PCDHA8: variants seen among roughly 807,000 people sequenced by gnomAD.
PCDHA8 encodes the protein protocadherin alpha-8.
In PCDHA8, 53 loss-of-function variants were observed where a neutral mutation model predicts 61.8. That is an observed-to-expected ratio of 0.86 (90% confidence interval 0.69 to 1.08). The LOEUF (loss-of-function observed/expected upper bound fraction) is 1.08, where lower values mean the gene tolerates loss of function less well. PCDHA8 is among the 50% of genes least tolerant of loss of function. The pLI is 0.00. For missense variants in PCDHA8, 1,293 were observed against 1,245.0 expected (o/e 1.04, Z -0.58); for synonymous variants, 618 against 556.6 (o/e 1.11, Z -1.55).
intron 1 of PCDHA8, among the ~76,000 whole-genome samples, chr5:140,901,940 T>A (rs1444811552): frequency 6.6e-6 from 1 of 152,172 alleles, no homozygotes; most frequent in Non-Finnish European, 1.5e-5. Context: ...CCTAGGTATA[T>A]TTAGTTTTAT....
intron 1 of PCDHA8, among the ~76,000 whole-genome samples, chr5:140,907,882 G>T (rs895415928): frequency 6.6e-6 from 1 of 152,168 alleles, no homozygotes; most frequent in Non-Finnish European, 1.5e-5. Context: ...GCACTCACAT[G>T]GGATACAAAT....
chr5:140,908,824 C>T (rs1199416548), intron 1 of PCDHA8, among the ~76,000 whole-genome samples: 1 of 152,082 alleles, frequency 6.6e-6, no homozygotes, highest in African/African-American at 2.4e-5. Flanking sequence ...TTGGGTTACT[C>T]GATAAATGGG....
rs141381378 is a variant in PCDHA8, at chr5:140,841,612, G to A, written c.291G>A (p.Gly97=). ...GGATCGACCGCGAGGAGCTGTGCGG[G>A]CGGAGCGCGGAGTGCAGCATCCACC... ...NSRIDREELC[G]RSAECSIHLE... Residue 97 remains glycine, a synonymous_variant, in exon 1 of 4, where the codon GGG becomes GGA. Transcript: ENST00000531613. 4.3e-6 allele frequency: 7 copies of A among 1,614,012 alleles called. No individual in the cohort carries two copies. The highest frequency in any genetic ancestry group is 2.7e-5 in the African/African-American group (2 of 74,896).
At chr5:140,961,591 T>C (rs1280839822) in intron 1 of PCDHA8, among the ~76,000 whole-genome samples, 1 of 152,190 alleles carries the variant, frequency 6.6e-6, no homozygotes, top group African/African-American at 2.4e-5. Flanking sequence ...ATTTTGGCAA[T>C]GATTCTAGTA....
chr5:140,944,136 G>A (rs536816208), intron 1 of PCDHA8, among the ~76,000 whole-genome samples: 3 of 152,136 alleles, frequency 2.0e-5, no homozygotes, highest in African/African-American at 7.2e-5. Context: ...AAAGGTTGAA[G>A]ATTAGAAGAG....
In PCDHA8 at chr5:140,883,030, C is replaced by G. The variant is rs1554176556; in HGVS notation, c.2394+39315C>G. ...TTTATAAAGTGACGGTGTTAGAGAA[C>G]GCCTTCAATGGAACATTAGTGATCA... On this transcript the variant is annotated intron_variant, in intron 1 of 3. Coordinates refer to ENST00000531613, the MANE Select transcript of PCDHA8 (RefSeq NM_018911.3). 1 of 1,613,940 alleles carries G rather than the reference C, an allele frequency of 6.2e-7. No individual in the cohort carries two copies. Among genetic ancestry groups the G allele is most frequent in the Non-Finnish European group, 8.5e-7 (1 of 1,180,036 alleles).
At chr5:140,967,357 T>C (rs782125763) in intron 1 of PCDHA8, 2 of 1,608,222 alleles carry the variant, frequency 1.2e-6, no homozygotes, top group Non-Finnish European at 1.7e-6. Context: ...AGCTGGACCT[T>C]AAGCCCCTGC....
intron 1 of PCDHA8, chr5:140,858,664 AATTT>A: frequency 1.4e-6 from 1 of 728,728 alleles, no homozygotes; most frequent in Non-Finnish European, 2.2e-6. Flanking sequence ...TTTAAATAAC[AATTT>A]ATTCTGAATA....
chr5:140,978,233 AT>A (rs1360475808), intron 1 of PCDHA8, among the ~76,000 whole-genome samples: 2 of 152,196 alleles, frequency 1.3e-5, no homozygotes, highest in African/African-American at 4.8e-5. Context: ...TTTTTCTTGG[AT>A]TTCAGCTACT....
chr5:140,928,288 C>G, intron 1 of PCDHA8: 2 of 1,614,156 alleles, frequency 1.2e-6, no homozygotes, highest in Non-Finnish European at 1.7e-6. Flanking sequence ...CTCTCTAGGC[C>G]GAGTGTTTGC....
Position 140,884,307 on chromosome 5 carries a change from C to T in PCDHA8, c.2394+40592C>T, listed in dbSNP as rs144612735. 3,633 of 1,613,724 alleles carry T rather than the reference C, an allele frequency of 2.3e-3. 15 individuals are homozygous for T. The highest frequency in any genetic ancestry group is 9.6e-3 in the Middle Eastern group (58 of 6,062). Reference sequence around the variant, plus strand: ...AGCGGCCAAGCGCCACAGGCTTCGTCGAGGGCGTCGGCAGGCGCTGTGGGT... The same window carrying T: ...AGCGGCCAAGCGCCACAGGCTTCGTTGAGGGCGTCGGCAGGCGCTGTGGGT... On this transcript the variant is annotated intron_variant, in intron 1 of 3. Transcript: ENST00000531613.
chr5:140,935,230 CTA>C (rs1363291872), intron 1 of PCDHA8, among the ~76,000 whole-genome samples: 2 of 152,128 alleles, frequency 1.3e-5, no homozygotes, highest in African/African-American at 4.8e-5. Context: ...TAAGGGATGT[CTA>C]TTTTTTAAAA....
intron 1 of PCDHA8, chr5:140,866,074 T>C (rs1409925126): frequency 6.6e-6 from 1 of 152,180 alleles, no homozygotes; most frequent in Non-Finnish European, 1.5e-5. Context: ...CTGAGATAGG[T>C]ATTTTGGTTA....
intron 1 of PCDHA8, among the ~76,000 whole-genome samples, chr5:140,965,199 T>C (rs1296377172): frequency 6.6e-6 from 1 of 152,234 alleles, no homozygotes. Context: ...AGGCAATAGA[T>C]TTCAAATTCC....
intron 1 of PCDHA8, among the ~76,000 whole-genome samples, chr5:140,921,566 T>C (rs775027482): frequency 4.6e-5 from 7 of 152,304 alleles, no homozygotes; most frequent in Middle Eastern, 3.4e-3. Flanking sequence ...TATTATGTTA[T>C]AGTAGAGCTC....
At chr5:140,882,336 C>A (rs781805621) in intron 1 of PCDHA8, 31 of 1,614,044 alleles carry the variant, frequency 1.9e-5, no homozygotes, top group Non-Finnish European at 2.5e-5. Flanking sequence ...ATCCTCGCAG[C>A]CTGGGAGACG....
intron 1 of PCDHA8, among the ~76,000 whole-genome samples, chr5:140,886,063 G>A (rs547299842): frequency 3.3e-5 from 5 of 152,172 alleles, no homozygotes; most frequent in East Asian, 1.9e-4. Flanking sequence ...TTACAAAAGC[G>A]TAGGGCCATA....
At chr5:140,928,942 T>G in intron 1 of PCDHA8, 1 of 1,614,062 alleles carries the variant, frequency 6.2e-7, no homozygotes, top group Non-Finnish European at 8.5e-7. Flanking sequence ...GAACTTGTAT[T>G]TAGTAATTGC....
intron 1 of PCDHA8, chr5:140,877,392 G>A: frequency 1.2e-6 from 2 of 1,613,970 alleles, no homozygotes; most frequent in Non-Finnish European, 1.7e-6. Flanking sequence ...TGGATGAGGC[G>A]GACGCTCCGC....
Sources: allele counts gnomAD v4.1 joint callset (sites outside exome capture counted in the v4.1 genomes callset), GRCh38; gene constraint gnomAD v4.1.1; transcripts MANE v1.5; gene names NCBI Gene and HGNC (gene_info 2026-07-23, HGNC 2026-07-21).